SNX6: variants seen among roughly 807,000 people sequenced by gnomAD.
The protein encoded by SNX6 is sorting nexin 6.
SNX6 carries 34 observed loss-of-function variants against 63.0 expected under a neutral mutation model. The ratio of observed to expected loss-of-function variants is 0.54; its 90% CI spans 0.41 to 0.72. The LOEUF (loss-of-function observed/expected upper bound fraction) is 0.72, where lower values mean the gene tolerates loss of function less well. Among genes scored for constraint, SNX6 ranks in the 30% least tolerant of loss-of-function variants. SNX6 has a pLI of 0.00. For synonymous variants in SNX6, 170 were observed against 164.2 expected (o/e 1.04, Z -0.27); for missense variants, 398 against 471.4 (o/e 0.84, Z 1.44).
At chr14:34,564,719 C>T (rs940941769) in intron 13 of SNX6, among the ~76,000 whole-genome samples, 3 of 151,248 alleles carry the variant, frequency 2.0e-5, no homozygotes, top group South Asian at 2.1e-4. Flanking sequence ...CCCAGCTATT[C>T]GAGAGGCTGA....
At chr14:34,582,612 G>A (rs757131734) in intron 9 of SNX6, among the ~76,000 whole-genome samples, 14 of 151,170 alleles carry the variant, frequency 9.3e-5, no homozygotes, top group Non-Finnish European at 1.9e-4. Context: ...GTGCAGTAGC[G>A]CCATCTCACT....
chr14:34,600,836 G>A (rs190175775), intron 6 of SNX6, among the ~76,000 whole-genome samples: 42 of 152,132 alleles, frequency 2.8e-4, no homozygotes, highest in African/African-American at 9.9e-4. Flanking sequence ...TCAGGAGTTC[G>A]AGACCAGCCT....
At chr14:34,592,995 T>C (rs540849991) in intron 8 of SNX6, 50 bp downstream of exon 8, 2 of 1,258,282 alleles carry the variant, frequency 1.6e-6, no homozygotes, top group South Asian at 1.3e-5. Flanking sequence ...ATATGAACTT[T>C]ATAATTATTC....
At chr14:34,614,342 CAGG>C (rs1295251630) in intron 2 of SNX6, among the ~76,000 whole-genome samples, 2 of 151,606 alleles carry the variant, frequency 1.3e-5, no homozygotes, top group African/African-American at 4.8e-5. Flanking sequence ...CTAGCTGAGA[CAGG>C]AGGATTGCTT....
chr14:34,565,154 T>C (rs961661538), intron 13 of SNX6, among the ~76,000 whole-genome samples: 6 of 151,288 alleles, frequency 4.0e-5, no homozygotes, highest in African/African-American at 1.5e-4. Flanking sequence ...CTCAGCTCGC[T>C]GCAAGCTCTG....
intron 13 of SNX6, among the ~76,000 whole-genome samples, chr14:34,567,404 T>G (rs963659000): frequency 2.0e-5 from 3 of 152,112 alleles, no homozygotes; most frequent in African/African-American, 7.2e-5. Context: ...TGAGAATCGC[T>G]TGAACCCGGG....
chr14:34,612,636 G>A (rs917123057), intron 2 of SNX6, among the ~76,000 whole-genome samples: 8 of 151,854 alleles, frequency 5.3e-5, no homozygotes, highest in African/African-American at 1.7e-4. Flanking sequence ...CTTTTGCCAC[G>A]TTAGCCAGTC....
intron 8 of SNX6, among the ~76,000 whole-genome samples, chr14:34,589,828 G>GA (rs1022879816): frequency 2.9e-4 from 43 of 146,276 alleles, no homozygotes; most frequent in Non-Finnish European, 3.2e-4. Flanking sequence ...TCTGTCTAGG[G>GA]AAAAAAAAAA....
intron 10 of SNX6, among the ~76,000 whole-genome samples, chr14:34,578,917 G>T (rs1307873885): frequency 3.2e-5 from 3 of 92,644 alleles, no homozygotes; most frequent in Non-Finnish European, 6.1e-5. Context: ...CCAGCCTGGC[G>T]ACAGAGCGAG....
chr14:34,578,224 A>C (rs1462689964), intron 10 of SNX6, among the ~76,000 whole-genome samples: 2 of 152,014 alleles, frequency 1.3e-5, no homozygotes, highest in African/African-American at 4.8e-5. Context: ...AACAAACAAA[A>C]ATACAAAAGG....
At chr14:34,578,634 G>GAAAA (rs1214360269) in intron 10 of SNX6, among the ~76,000 whole-genome samples, 2 of 97,022 alleles carry the variant, frequency 2.1e-5, no homozygotes, top group Non-Finnish European at 2.0e-5. Context: ...GTCTCAAAAA[G>GAAAA]AAAAAAAAAA....
intron 8 of SNX6, 92 bp from the exon 9 acceptor site, chr14:34,586,397 G>A: frequency 2.9e-6 from 2 of 677,984 alleles, no homozygotes; most frequent in South Asian, 1.6e-5. Context: ...TGTAATATGA[G>A]ACACTCTAGT....
At chr14:34,612,519 C>T (rs1255105405) in intron 2 of SNX6, among the ~76,000 whole-genome samples, 9 of 151,976 alleles carry the variant, frequency 5.9e-5, no homozygotes, top group Non-Finnish European at 1.2e-4. Context: ...CTACAACCTC[C>T]GCCTCCCATG....
chr14:34,588,510 TAA>T (rs1454584358), intron 8 of SNX6, among the ~76,000 whole-genome samples: 3 of 152,062 alleles, frequency 2.0e-5, no homozygotes, highest in Non-Finnish European at 4.4e-5. Context: ...CTCAGCCTCC[TAA>T]AGTGCTGGAA....
chr14:34,590,392 C>T (rs1882345364), intron 8 of SNX6, among the ~76,000 whole-genome samples: 2 of 149,118 alleles, frequency 1.3e-5, no homozygotes, highest in South Asian at 4.2e-4. Context: ...TCCGCCACTG[C>T]ACTCCAGCAG....
intron 11 of SNX6, among the ~76,000 whole-genome samples, chr14:34,571,571 A>G: frequency 6.6e-6 from 1 of 152,224 alleles, no homozygotes; most frequent in East Asian, 1.9e-4. Context: ...AAAACTATGG[A>G]GACAGTAAAA....
chr14:34,585,079 C>T (rs1261290111), intron 9 of SNX6, among the ~76,000 whole-genome samples: 1 of 151,980 alleles, frequency 6.6e-6, no homozygotes, highest in African/African-American at 2.4e-5. Flanking sequence ...CTCAAACTCC[C>T]GACCTGAGGT....
intron 10 of SNX6, among the ~76,000 whole-genome samples, chr14:34,579,492 T>A (rs1482034856): frequency 6.6e-6 from 1 of 151,846 alleles, no homozygotes; most frequent in Non-Finnish European, 1.5e-5. Context: ...TCTGTAGTCC[T>A]AACTACTTGG....
intron 13 of SNX6, 130 bp from the exon 14 acceptor site, chr14:34,563,305 T>G: frequency 3.8e-6 from 3 of 781,606 alleles, no homozygotes; most frequent in Non-Finnish European, 6.2e-6. Context: ...ATGCCTGTAA[T>G]CCCAGCACTC....
Sources: allele counts gnomAD v4.1 joint callset (sites outside exome capture counted in the v4.1 genomes callset), GRCh38; gene constraint gnomAD v4.1.1; transcripts MANE v1.5; gene names NCBI Gene and HGNC (gene_info 2026-07-23, HGNC 2026-07-21).